FOXP2: variants seen among roughly 807,000 people sequenced by gnomAD.
FOXP2 encodes the protein forkhead box protein P2.
FOXP2 carries 12 observed loss-of-function variants against 115.8 expected under a neutral mutation model. That is an observed-to-expected ratio of 0.10 (90% CI 0.07 to 0.17). FOXP2 has a LOEUF of 0.17. Among genes scored for constraint, FOXP2 ranks in the 10% least tolerant of loss-of-function variants. The pLI is 1.00. For missense variants in FOXP2, 629 were observed against 843.5 expected (o/e 0.75, Z 3.15); for synonymous variants, 328 against 297.7 (o/e 1.10, Z -1.05).
chr7:114,178,583 A>C (rs1012793264), intron 1 of FOXP2, among the ~76,000 whole-genome samples: 1 of 152,082 alleles, frequency 6.6e-6, no homozygotes, highest in East Asian at 1.9e-4. Context: ...GATAATGCCA[A>C]GATATTTTCC....
chr7:114,288,691 C>A (rs139416126), intron 2 of FOXP2, among the ~76,000 whole-genome samples: 1 of 151,462 alleles, frequency 6.6e-6, no homozygotes, highest in Non-Finnish European at 1.5e-5. Context: ...TTGATATGTA[C>A]AATGTTAACA....
intron 2 of FOXP2, among the ~76,000 whole-genome samples, chr7:114,448,245 T>A (rs1385601526): frequency 2.0e-5 from 3 of 152,188 alleles, no homozygotes; most frequent in African/African-American, 4.8e-5. Context: ...AAAATTTGAT[T>A]TTTTATAATA....
At chr7:114,199,786 G>A (rs963679211) in intron 1 of FOXP2, among the ~76,000 whole-genome samples, 8 of 152,008 alleles carry the variant, frequency 5.3e-5, no homozygotes, top group Admixed American at 2.6e-4. Context: ...AGATGAAAAA[G>A]ACACTTAGAA....
At chr7:114,508,407 C>T (rs926564696) in intron 2 of FOXP2, among the ~76,000 whole-genome samples, 1 of 152,010 alleles carries the variant, frequency 6.6e-6, no homozygotes, top group African/African-American at 2.4e-5. Context: ...ACTGGGGACA[C>T]ATGAATGAAT....
At chr7:114,160,951 A>C (rs976959023), upstream of FOXP2, among the ~76,000 whole-genome samples, 3 of 152,170 alleles carry the variant, frequency 2.0e-5, no homozygotes, top group African/African-American at 7.2e-5. Flanking sequence ...ATTAATTAGC[A>C]TACGTATTGT....
rs1479065740 is a variant in FOXP2, at chr7:114,437,397, T to C, written c.168+10718T>C. Among the ~76,000 whole-genome samples, 8 of 152,312 alleles carry C rather than the reference T, an allele frequency of 5.3e-5. No individual in the cohort carries two copies. The East Asian group carries it at 1.3e-3, about 26-fold the overall frequency. On this transcript the variant is annotated intron_variant, in intron 2 of 16. Coordinates refer to ENST00000350908, the MANE Select transcript of FOXP2 (RefSeq NM_014491.4). ...CATGGAGCAGCGCCTTAGATGATCG[T>C]TACCTCTTTTTAGTAGTTTGCTATT...
intron 1 of FOXP2, among the ~76,000 whole-genome samples, chr7:114,257,118 T>C (rs1795635217): frequency 6.6e-6 from 1 of 152,088 alleles, no homozygotes; most frequent in African/African-American, 2.4e-5. Context: ...TGGAAGAGAA[T>C]AGAGAACTCA....
chr7:114,287,483 T>C (rs1388676842), intron 1 of FOXP2, among the ~76,000 whole-genome samples: 2 of 151,924 alleles, frequency 1.3e-5, no homozygotes, highest in Non-Finnish European at 2.9e-5. Flanking sequence ...ACGAGAGTAG[T>C]TGAATCGGAA....
intron 2 of FOXP2, among the ~76,000 whole-genome samples, chr7:114,476,285 G>A (rs1014132590): frequency 6.6e-6 from 1 of 151,790 alleles, no homozygotes; most frequent in Non-Finnish European, 1.5e-5. Context: ...TTGATTTTGA[G>A]TTAATTTTTG....
At chr7:114,229,172 A>C (rs943515469) in intron 1 of FOXP2, among the ~76,000 whole-genome samples, 11 of 151,126 alleles carry the variant, frequency 7.3e-5, no homozygotes, top group Non-Finnish European at 1.3e-4. Flanking sequence ...TATAATGATA[A>C]AAGAGTAAAT....
chr7:114,151,130 G>A (rs1009136898), intron 1 of FOXP2, among the ~76,000 whole-genome samples: 9 of 151,762 alleles, frequency 5.9e-5, no homozygotes, highest in Non-Finnish European at 1.3e-4. Context: ...AAAGGGAAAC[G>A]GGAAAAATGT....
chr7:114,389,417 A>T (rs1792532375), intron 2 of FOXP2, among the ~76,000 whole-genome samples: 1 of 152,188 alleles, frequency 6.6e-6, no homozygotes, highest in South Asian at 2.1e-4. Context: ...TTGACAGACT[A>T]TTGGTTGTGT....
chr7:114,155,824 G>A (rs1007928443), intron 1 of FOXP2, among the ~76,000 whole-genome samples: 1 of 152,032 alleles, frequency 6.6e-6, no homozygotes, highest in Admixed American at 6.6e-5. Context: ...CATAGAAGAG[G>A]GCCAAGTGGG....
At chr7:114,516,175 G>T (rs1265244702) in intron 2 of FOXP2, among the ~76,000 whole-genome samples, 1 of 152,144 alleles carries the variant, frequency 6.6e-6, no homozygotes, top group Non-Finnish European at 1.5e-5. Context: ...CAAGTCTACA[G>T]TAACCAAAAC....
At chr7:114,626,549 CTCTG>C (rs1190955447) in intron 3 of FOXP2, among the ~76,000 whole-genome samples, 1 of 146,656 alleles carries the variant, frequency 6.8e-6, no homozygotes, top group Non-Finnish European at 1.5e-5. Flanking sequence ...CTCTCTCTCT[CTCTG>C]TCTCTCTCTC....
At chr7:114,561,789 TTTTG>T (rs35714189) in intron 3 of FOXP2, among the ~76,000 whole-genome samples, 5 of 151,964 alleles carry the variant, frequency 3.3e-5, no homozygotes, top group Non-Finnish European at 7.4e-5. Flanking sequence ...TGGTGTTGGG[TTTTG>T]TTTGTTTGTT....
At chr7:114,137,095 A>G (rs1186272803) in intron 1 of FOXP2, among the ~76,000 whole-genome samples, 2 of 152,122 alleles carry the variant, frequency 1.3e-5, no homozygotes, top group Non-Finnish European at 2.9e-5. Flanking sequence ...AAATTAATGA[A>G]ATGACAGCAG....
chr7:114,552,371 G>A (rs543507547), intron 3 of FOXP2, among the ~76,000 whole-genome samples: 10 of 152,072 alleles, frequency 6.6e-5, no homozygotes, highest in Non-Finnish European at 1.2e-4. Context: ...CGGTTCTATC[G>A]CCTCATTGCC....
intron 2 of FOXP2, among the ~76,000 whole-genome samples, chr7:114,515,287 C>T (rs1366138561): frequency 2.7e-5 from 4 of 150,818 alleles, no homozygotes; most frequent in African/African-American, 9.8e-5. Flanking sequence ...CCTGAGGAAT[C>T]GCCACACTGA....
Sources: allele counts gnomAD v4.1 joint callset (sites outside exome capture counted in the v4.1 genomes callset), GRCh38; gene constraint gnomAD v4.1.1; transcripts MANE v1.5; gene names NCBI Gene and HGNC (gene_info 2026-07-23, HGNC 2026-07-21).